The following GSK3B variants were observed in gnomAD, a reference collection of about 807,000 sequenced individuals.
GSK3B encodes glycogen synthase kinase-3 beta.
Under a neutral mutation model 56.4 loss-of-function variants are expected in GSK3B, and 15 were observed. The observed-to-expected ratio is 0.27, with a 90% confidence interval of 0.18 to 0.41. The LOEUF is 0.41. Ranked by LOEUF, GSK3B falls within the 10% of genes least tolerant of loss-of-function variation. The pLI is 1.00. For synonymous variants in GSK3B, 181 were observed against 188.9 expected (o/e 0.96, Z 0.34); for missense variants, 300 against 513.4 (o/e 0.58, Z 4.02).
In GSK3B at chr3:120,059,867, T is replaced by C. The variant is rs73854771; in HGVS notation, c.88+33480A>G. 5.2e-3 allele frequency among the ~76,000 whole-genome samples: 787 copies of C among 152,350 alleles called. 4 individuals are homozygous for C. The highest frequency in any genetic ancestry group is 0.018 in the African/African-American group (740 of 41,576). On this transcript the variant is annotated intron_variant, in intron 1 of 10. Coordinates refer to ENST00000264235, the MANE Select transcript of GSK3B (RefSeq NM_001146156.2). The stretch of plus-strand genomic sequence containing the variant: ...AACTAGCCATACTACAAAACAGCTA[T>C]AGAACCCTAACCTTCTTCTGTAAAC...
rs1422005866 is a variant in GSK3B at position 119,960,780 on chromosome 3, T to C, written c.283-13429A>G. On this transcript the variant is annotated intron_variant, in intron 2 of 10. Transcript: ENST00000264235. Reference sequence around the variant, plus strand: ...CTTCTCCAGAGTAACAATCATCTAATACATTATATCTATTTTGCATATTTA... The same window carrying C: ...CTTCTCCAGAGTAACAATCATCTAACACATTATATCTATTTTGCATATTTA... Among the ~76,000 whole-genome samples, 4 of 152,336 alleles carry C rather than the reference T, an allele frequency of 2.6e-5. No individual in the cohort carries two copies. The East Asian group carries it at 7.7e-4, about 29-fold the overall frequency.
intron 2 of GSK3B, among the ~76,000 whole-genome samples, chr3:119,951,803 T>C (rs1415239496): frequency 8.6e-5 from 13 of 151,858 alleles, no homozygotes; most frequent in Admixed American, 7.9e-4. Flanking sequence ...AAACCATATT[T>C]TAAAAATTAA....
At chr3:119,881,826 A>C (rs998424953) in intron 7 of GSK3B, among the ~76,000 whole-genome samples, 1 of 152,192 alleles carries the variant, frequency 6.6e-6, no homozygotes, top group African/African-American at 2.4e-5. Context: ...GAATCACGGC[A>C]GTAGTTTGTC....
intron 9 of GSK3B, among the ~76,000 whole-genome samples, chr3:119,850,219 G>A (rs1010289351): frequency 1.3e-5 from 2 of 152,148 alleles, no homozygotes; most frequent in African/African-American, 4.8e-5. Context: ...GACACGGAGT[G>A]CGGGTGAGGG....
chr3:120,016,900 T>C (rs1264544105), intron 1 of GSK3B, among the ~76,000 whole-genome samples: 2 of 152,210 alleles, frequency 1.3e-5, no homozygotes, highest in African/African-American at 4.8e-5. Context: ...AAACCCAAAG[T>C]GAATAAATAT....
chr3:119,969,215 C>T (rs2057344528), intron 2 of GSK3B, among the ~76,000 whole-genome samples: 1 of 151,712 alleles, frequency 6.6e-6, no homozygotes. Flanking sequence ...TTGCTTGAAC[C>T]CAGGAGGCGG....
intron 1 of GSK3B, among the ~76,000 whole-genome samples, chr3:120,039,836 C>T (rs570898688): frequency 1.3e-5 from 2 of 152,316 alleles, no homozygotes; most frequent in East Asian, 3.9e-4. Flanking sequence ...AGTAAATTGC[C>T]TTGCTGAGAA....
chr3:120,003,830 T>TGA (rs2057700265), intron 1 of GSK3B, among the ~76,000 whole-genome samples: 2 of 152,130 alleles, frequency 1.3e-5, no homozygotes, highest in African/African-American at 4.8e-5. Flanking sequence ...AGGAAGATCT[T>TGA]TGCAGAACAC....
chr3:119,940,677 T>C (rs1375470090), intron 3 of GSK3B, among the ~76,000 whole-genome samples: 2 of 152,176 alleles, frequency 1.3e-5, no homozygotes, highest in East Asian at 3.8e-4. Context: ...CTTGGGTGAA[T>C]GGCTTGATGG....
chr3:120,068,720 A>C (rs895513856), intron 1 of GSK3B, among the ~76,000 whole-genome samples: 3 of 151,288 alleles, frequency 2.0e-5, no homozygotes, highest in Non-Finnish European at 3.0e-5. Flanking sequence ...TAAATAAATA[A>C]ATAATAATAA....
chr3:120,059,155 G>A (rs919392079), intron 1 of GSK3B, among the ~76,000 whole-genome samples: 2 of 152,046 alleles, frequency 1.3e-5, no homozygotes, highest in Admixed American at 6.5e-5. Flanking sequence ...CATATTCTCA[G>A]TAATTAATGG....
chr3:119,895,640 C>G (rs542662814), intron 7 of GSK3B, among the ~76,000 whole-genome samples: 1 of 152,186 alleles, frequency 6.6e-6, no homozygotes, highest in African/African-American at 2.4e-5. Context: ...ATCCAGTTGT[C>G]CAAGCACCAT....
intron 1 of GSK3B, among the ~76,000 whole-genome samples, chr3:120,032,438 G>A (rs1177969067): frequency 2.0e-5 from 3 of 151,690 alleles, no homozygotes; most frequent in Admixed American, 2.0e-4. Context: ...TTGTGCCACT[G>A]CACTCCAGCC....
chr3:119,901,798 T>A (rs1016360357), intron 7 of GSK3B, among the ~76,000 whole-genome samples: 1 of 152,190 alleles, frequency 6.6e-6, no homozygotes, highest in Non-Finnish European at 1.5e-5. Context: ...AGAAAGTTTA[T>A]AAAATAATGA....
At chr3:119,971,982 A>G (rs143283591) in intron 2 of GSK3B, among the ~76,000 whole-genome samples, 156 of 152,302 alleles carry the variant, frequency 1.0e-3, no homozygotes, top group African/African-American at 3.4e-3. Flanking sequence ...TTCTTAACTA[A>G]GTTCCCTAAT....
chr3:120,035,379 G>A (rs897585956), intron 1 of GSK3B, among the ~76,000 whole-genome samples: 5 of 152,238 alleles, frequency 3.3e-5, no homozygotes, highest in Admixed American at 3.3e-4. Context: ...GAAAAATTTC[G>A]GTTGTTTTAA....
chr3:119,837,248 G>T (rs967101845), intron 10 of GSK3B, among the ~76,000 whole-genome samples: 14 of 152,058 alleles, frequency 9.2e-5, no homozygotes, highest in Non-Finnish European at 1.6e-4. Context: ...TCCGCCTCCC[G>T]GGTTCACGCC....
chr3:119,835,916 G>C (rs1345418048), intron 10 of GSK3B, among the ~76,000 whole-genome samples: 1 of 152,116 alleles, frequency 6.6e-6, no homozygotes, highest in Non-Finnish European at 1.5e-5. Flanking sequence ...TTTTAGAAAA[G>C]CAAGCATCTA....
chr3:120,055,547 T>TAAA (rs2058185191), intron 1 of GSK3B, among the ~76,000 whole-genome samples: 1 of 152,182 alleles, frequency 6.6e-6, no homozygotes, highest in Non-Finnish European at 1.5e-5. Flanking sequence ...ATGAAAAATC[T>TAAA]TTAAGATTTT....
Sources: gnomAD v4.1 joint callset for allele counts (sites outside exome capture counted in the v4.1 genomes callset) on GRCh38, gnomAD v4.1.1 for gene constraint, MANE v1.5 for transcripts, NCBI Gene and HGNC (gene_info 2026-07-23, HGNC 2026-07-21) for gene names.